FLNC: variants seen among roughly 807,000 people sequenced by gnomAD.
FLNC encodes the protein filamin C.
In FLNC, 91 loss-of-function variants were observed where a neutral mutation model predicts 254.3. The ratio of observed to expected loss-of-function variants is 0.36; its 90% CI spans 0.30 to 0.43. The LOEUF (loss-of-function observed/expected upper bound fraction) is 0.43. Among genes scored for constraint, FLNC ranks in the 20% least tolerant of loss-of-function variants. The probability of loss-of-function intolerance (pLI) is 1.00; values close to 1 mark genes in which losing one functional copy is unlikely to be tolerated. For synonymous variants in FLNC, 1,430 were observed against 1,577.2 expected (o/e 0.91, Z 2.21); for missense variants, 2,853 against 3,802.6 (o/e 0.75, Z 6.57).
chr7:128,854,964 G>A, intron 42 of FLNC, 52 bp downstream of exon 42: 3 of 1,602,526 alleles, frequency 1.9e-6, no homozygotes, highest in South Asian at 1.1e-5. Context: ...TTCCAGACTG[G>A]GTTTCTGCCC....
chr7:128,850,887 CCACT>C lies in FLNC; in HGVS notation c.5484_5487del (p.Thr1829ArgfsTer40). On this transcript the variant is annotated frameshift_variant, in exon 33 of 48. Coordinates refer to ENST00000325888, the MANE Select transcript of FLNC (RefSeq NM_001458.5). LOFTEE classifies it high-confidence loss of function. Reference sequence around the variant, plus strand: ...GGCACCATCACGGTGAGGTATGCACCCACTGAGAAAGGCCTGCACCAGATGGGGA... The same window carrying C: ...GGCACCATCACGGTGAGGTATGCACCGAGAAAGGCCTGCACCAGATGGGGA... 1 of 1,613,596 alleles carries C rather than the reference CCACT, an allele frequency of 6.2e-7. No individual in the cohort carries two copies. Among genetic ancestry groups the C allele is most frequent in the Non-Finnish European group, 8.5e-7 (1 of 1,179,960 alleles).
intron 26 of FLNC, 73 bp downstream of exon 26, chr7:128,848,141 C>A (rs977443102): frequency 2.0e-6 from 3 of 1,528,246 alleles, no homozygotes; most frequent in Non-Finnish European, 2.7e-6. Context: ...CACTCAGGAT[C>A]ACTGCTGGAG....
rs1401764587 is a variant in FLNC, at chr7:128,835,455, C to T, written c.482C>T (p.Pro161Leu). The change falls in exon 2 of 48, where the codon CCC becomes CTC. Residue 161 changes from proline (P) to leucine (L), a missense_variant. Around this residue, in one of 10 missense-constraint regions of FLNC, gnomAD observed 115 missense variants for 230.3 expected, o/e 0.50. Coordinates refer to ENST00000325888, the MANE Select transcript of FLNC (RefSeq NM_001458.5). The surrounding 1 kb of genome is among the most constrained non-coding windows in gnomAD (Gnocchi z 5.3). ...EDDEDARKQTPKQRLLGWIQN... is the reference protein window; with the variant it reads ...EDDEDARKQTLKQRLLGWIQN... Reference sequence around the variant, plus strand: ...GATGAGGATGCCCGCAAACAGACGCCCAAGCAGCGGCTGCTTGGCTGGATC... The same window carrying T: ...GATGAGGATGCCCGCAAACAGACGCTCAAGCAGCGGCTGCTTGGCTGGATC... 6.2e-7 allele frequency: 1 copy of T among 1,613,916 alleles called. No homozygotes were observed. Among genetic ancestry groups the T allele is most frequent in the Non-Finnish European group, 8.5e-7 (1 of 1,180,042 alleles).
intron 1 of FLNC, among the ~76,000 whole-genome samples, chr7:128,832,266 C>T (rs1314144060): frequency 6.6e-6 from 1 of 152,160 alleles, no homozygotes; most frequent in Non-Finnish European, 1.5e-5. Context: ...GCCCTGCCTC[C>T]GTGACACAGC....
In FLNC at chr7:128,837,395, C is replaced by G. The variant is rs1808137772; in HGVS notation, c.700-3C>G. ...CATGTGACATCACTCCTTTCCATCG[C>G]AGGTCATTGCCCCTGAGGAGATTGT... is the stretch of plus-strand genomic sequence containing the variant. On this transcript the variant is annotated splice_region_variant and splice_polypyrimidine_tract_variant and intron_variant, in intron 3 of 47. Coordinates refer to ENST00000325888, the MANE Select transcript of FLNC (RefSeq NM_001458.5). The G allele has an allele frequency of 1.2e-6, 2 of 1,613,982 alleles. No individual in the cohort carries two copies. Among genetic ancestry groups the G allele is most frequent in the Non-Finnish European group, 1.7e-6 (2 of 1,180,016 alleles).
In FLNC at chr7:128,859,110, C is replaced by T. The variant is rs1221408561; in HGVS notation, c.*587C>T. On this transcript the variant is annotated 3_prime_UTR_variant, in exon 48 of 48. Coordinates refer to ENST00000325888, the MANE Select transcript of FLNC (RefSeq NM_001458.5). Reference sequence around the variant, plus strand: ...CAGGCTCCCAGGGGGCCTGATTTCTCTCTCACTGTCTCTTTTTTTAAAATG... The same window carrying T: ...CAGGCTCCCAGGGGGCCTGATTTCTTTCTCACTGTCTCTTTTTTTAAAATG... 3.8e-5 allele frequency: 6 copies of T among 156,172 alleles called. No individual in the cohort carries two copies. The highest frequency in any genetic ancestry group is 3.7e-4 in the Admixed American group (6 of 16,216). The allele number at this position is 156,172 out of a possible 1,614,324, so 9.7% of individuals were successfully genotyped here.
intron 20 of FLNC, 30 bp from the exon 21 acceptor site, chr7:128,844,628 A>G (rs1279320135): frequency 2.5e-6 from 4 of 1,593,272 alleles, no homozygotes; most frequent in Admixed American, 1.7e-5. Context: ...GGCCAGGTGC[A>G]GGGAACCCAC....
In FLNC at chr7:128,852,651, A is replaced by C. The variant is rs777028481; in HGVS notation, c.5903A>C (p.Lys1968Thr). The C allele has an allele frequency of 1.9e-5, 31 of 1,613,130 alleles. No individual in the cohort carries two copies. The highest frequency in any genetic ancestry group is 6.7e-5 in the Admixed American group (4 of 60,008). ...NVGTSTDVSL[K>T]ITESDLSQLT... ...GGCACCTCCACGGACGTGTCACTGA[A>C]GATCACCGAGAGTGATCTGAGCCAG... Residue 1968 changes from lysine to threonine, a missense_variant, in exon 36 of 48, where the codon AAG becomes ACG. Physicochemically the swap from Lys to Thr is moderately conservative, Grantham distance 78. Around this residue, in one of 10 missense-constraint regions of FLNC, gnomAD observed 551 missense variants for 835.0 expected, o/e 0.66. Coordinates refer to ENST00000325888, the MANE Select transcript of FLNC (RefSeq NM_001458.5).
rs760407609 is a variant in FLNC at position 128,848,934 on chromosome 7, C to T, written c.4879C>T (p.Arg1627Cys). The change falls in exon 28 of 48, where the codon CGC becomes TGC. Residue 1627 changes from arginine to cysteine, a missense_variant. Arg to Cys is a radical substitution (Grantham distance 180). Around this residue, in one of 10 missense-constraint regions of FLNC, gnomAD observed 258 missense variants for 312.3 expected, o/e 0.83. Coordinates refer to ENST00000325888, the MANE Select transcript of FLNC (RefSeq NM_001458.5). Reference sequence around the variant, plus strand: ...TGATGAGATCCCCTACTCGCCCTTCCGCATCCATGCTCTGCCCACTGGGGA... The same window carrying T: ...TGATGAGATCCCCTACTCGCCCTTCTGCATCCATGCTCTGCCCACTGGGGA... ...GGDEIPYSPF[R>C]IHALPTGDAS... 1.1e-5 allele frequency: 18 copies of T among 1,613,578 alleles called. 1 individual carries two copies. In the Middle Eastern group the frequency reaches 8.2e-4, roughly 74 times the overall value.
intron 22 of FLNC, 40 bp from the exon 23 acceptor site, chr7:128,846,261 C>T (rs373033315): frequency 8.1e-6 from 13 of 1,612,456 alleles, no homozygotes; most frequent in Middle Eastern, 1.6e-4. Context: ...GTGGTGGGGG[C>T]GCACACTCCC....
chr7:128,843,142 C>T lies in FLNC; in HGVS notation c.2551-87C>T, dbSNP rs1465817920. On this transcript the variant is annotated intron_variant, in intron 16 of 47. Transcript: ENST00000325888. ...GAGGCTGCCCCTGTCCATGCTGGGT[C>T]CCCTGGGTGTGTCCTGAGCCAGCAT... The T allele has an allele frequency of 3.5e-6, 5 of 1,422,738 alleles. No homozygotes were observed. In the Admixed American group the frequency reaches 5.9e-5, roughly 17 times the overall value. The allele number at this position is 1,422,738 out of a possible 1,614,324, so 88.1% of individuals were successfully genotyped here.
intron 5 of FLNC, 80 bp downstream of exon 5, chr7:128,837,835 C>T (rs758625991): frequency 1.9e-5 from 27 of 1,412,062 alleles, no homozygotes; most frequent in East Asian, 7.3e-5. Context: ...AGGAATGGCC[C>T]GGAGGTGACT....
At position 128,852,817 on chromosome 7, in the gene FLNC, A is replaced by G. The variant is rs543718876; in HGVS notation, c.6005-11A>G. Reference sequence around the variant, plus strand: ...CCACAGGATGCTCTGCCTAACACCCACTTTCCACAGGGATCTCCTTCACCC... The same window carrying G: ...CCACAGGATGCTCTGCCTAACACCCGCTTTCCACAGGGATCTCCTTCACCC... On this transcript the variant is annotated splice_polypyrimidine_tract_variant and intron_variant, in intron 36 of 47. Transcript: ENST00000325888. 3 of 1,613,642 alleles carry G rather than the reference A, an allele frequency of 1.9e-6. No homozygotes were observed. The Admixed American group carries it at 5.0e-5, about 27-fold the overall frequency.
chr7:128,855,013 C>T, intron 42 of FLNC, 101 bp downstream of exon 42: 2 of 1,341,050 alleles, frequency 1.5e-6, no homozygotes, highest in South Asian at 2.3e-5. Flanking sequence ...ACAGAACTCC[C>T]CTCCCCGGAG....
At chr7:128,837,077 C>T in intron 2 of FLNC, 83 bp from the exon 3 acceptor site, 1 of 952,906 alleles carries the variant, frequency 1.0e-6, no homozygotes, top group South Asian at 1.4e-5. Flanking sequence ...GCCACAGCCT[C>T]TGAGGGTGTT....
At chr7:128,838,479 G>A (rs750976968) in intron 7 of FLNC, 50 bp downstream of exon 7, 1 of 1,607,662 alleles carries the variant, frequency 6.2e-7, no homozygotes. Flanking sequence ...ACCATGTGGG[G>A]CTGTGTGGGG....
chr7:128,855,020 G>A (rs1022909492), intron 42 of FLNC, 108 bp downstream of exon 42: 62 of 1,268,010 alleles, frequency 4.9e-5, no homozygotes, highest in African/African-American at 4.4e-4. Context: ...TCCCCTCCCC[G>A]GAGCCCCCTG....
At chr7:128,847,617 G>T in intron 24 of FLNC, 80 bp from the exon 25 acceptor site, 1 of 1,552,434 alleles carries the variant, frequency 6.4e-7, no homozygotes, top group Admixed American at 1.7e-5. Context: ...GGCAGGGAAG[G>T]CCTCCTCCTC....
Position 128,830,560 on chromosome 7 carries a change from C to T in FLNC, c.-78C>T. The T allele has an allele frequency of 3.3e-6, 4 of 1,229,014 alleles. No individual in the cohort carries two copies. Among genetic ancestry groups the T allele is most frequent in the Non-Finnish European group, 4.7e-6 (4 of 850,036 alleles). 76.1% of individuals were successfully genotyped at this position (1,229,014 alleles called of 1,614,324 possible). On this transcript the variant is annotated 5_prime_UTR_variant, in exon 1 of 48. Transcript: ENST00000325888. ...CGCAGCGCAGCGAGTCCCGTGGTCG[C>T]GCCCCAACAGCGCCCGACAGCCCCC... is the stretch of plus-strand genomic sequence containing the variant.
Sources: allele counts gnomAD v4.1 joint callset (sites outside exome capture counted in the v4.1 genomes callset), GRCh38; gene constraint gnomAD v4.1.1; regional missense constraint gnomAD v4.1.1; non-coding constraint Gnocchi (gnomAD v3.1); transcripts MANE v1.5; gene names NCBI Gene and HGNC (gene_info 2026-07-23, HGNC 2026-07-21).